The following LOC128092246 variants were observed in gnomAD, a reference collection of about 807,000 sequenced individuals.
At chr6:53,041,328 T>G in the LOC128092246 span, 1 of 838,066 alleles carries the variant, frequency 1.2e-6, no homozygotes, top group Admixed American at 1.7e-5. Flanking sequence ...AACCAGATTT[T>G]TCGATGGCAG....
chr6:53,041,325 T>C, the LOC128092246 span: 2 of 859,834 alleles, frequency 2.3e-6, no homozygotes, highest in East Asian at 2.4e-5. Flanking sequence ...TGTAACCAGA[T>C]TTTTCGATGG....
chr6:53,041,269 C>A, the LOC128092246 span: 1 of 1,517,402 alleles, frequency 6.6e-7, no homozygotes, highest in Non-Finnish European at 9.1e-7. Flanking sequence ...ACTCATCTCA[C>A]GGCCGAAGTG....
At chr6:53,041,340 A>G in the LOC128092246 span, 1 of 781,642 alleles carries the variant, frequency 1.3e-6, no homozygotes, top group Non-Finnish European at 2.3e-6. Flanking sequence ...CGATGGCAGC[A>G]CCAGCACAAG....
chr6:53,041,290 G>T, the LOC128092246 span: 1 of 1,203,684 alleles, frequency 8.3e-7, no homozygotes, highest in Non-Finnish European at 1.2e-6. Flanking sequence ...GTTCAGTTCT[G>T]CAGTGGTAGC....
At chr6:53,041,305 C>T in the LOC128092246 span, 2 of 1,069,200 alleles carry the variant, frequency 1.9e-6, no homozygotes, top group African/African-American at 1.5e-5. Context: ...GGTAGCAGTC[C>T]TCCCCAGAGT....
At chr6:53,041,298 A>C in the LOC128092246 span, 1 of 1,148,342 alleles carries the variant, frequency 8.7e-7, no homozygotes, top group Non-Finnish European at 1.3e-6. Context: ...CTGCAGTGGT[A>C]GCAGTCCTCC....
the LOC128092246 span, chr6:53,041,364 C>T: frequency 1.1e-5 from 8 of 711,530 alleles, no homozygotes; most frequent in Admixed American, 1.2e-4. Context: ...TTCAATAGGA[C>T]GTGACTGTCT....
the LOC128092246 span, chr6:53,041,291 C>T: frequency 8.3e-7 from 1 of 1,204,450 alleles, no homozygotes; most frequent in Non-Finnish European, 1.2e-6. Flanking sequence ...TTCAGTTCTG[C>T]AGTGGTAGCA....
At chr6:53,041,376 C>G in the LOC128092246 span, 2 of 673,198 alleles carry the variant, frequency 3.0e-6, no homozygotes, top group East Asian at 5.3e-5. Flanking sequence ...TGACTGTCTC[C>G]CAAATACATA....
At chr6:53,041,285 G>C in the LOC128092246 span, 1 of 1,322,170 alleles carries the variant, frequency 7.6e-7, no homozygotes, top group Non-Finnish European at 1.1e-6. Flanking sequence ...AAGTGGTTCA[G>C]TTCTGCAGTG....
chr6:53,041,330 C>A, the LOC128092246 span: 1 of 820,506 alleles, frequency 1.2e-6, no homozygotes, highest in South Asian at 1.3e-5. Context: ...CCAGATTTTT[C>A]GATGGCAGCA....
chr6:53,041,281 T>G, the LOC128092246 span: 1 of 1,408,544 alleles, frequency 7.1e-7, no homozygotes, highest in Non-Finnish European at 1.0e-6. Context: ...GCCGAAGTGG[T>G]TCAGTTCTGC....
the LOC128092246 span, chr6:53,041,336 C>T: frequency 1.3e-6 from 1 of 784,762 alleles, no homozygotes; most frequent in Non-Finnish European, 2.3e-6. Flanking sequence ...TTTTCGATGG[C>T]AGCACCAGCA....
the LOC128092246 span, chr6:53,041,346 A>G: frequency 1.3e-6 from 1 of 765,060 alleles, no homozygotes; most frequent in South Asian, 1.4e-5. Flanking sequence ...CAGCACCAGC[A>G]CAAGGTATTC....
the LOC128092246 span, chr6:53,041,309 C>T: frequency 1.8e-5 from 19 of 1,036,386 alleles, no homozygotes; most frequent in Non-Finnish European, 2.9e-5. Context: ...GCAGTCCTCC[C>T]CAGAGTGTAA....
At chr6:53,041,366 T>C in the LOC128092246 span, 5 of 710,840 alleles carry the variant, frequency 7.0e-6, no homozygotes, top group Non-Finnish European at 1.3e-5. Flanking sequence ...CAATAGGACG[T>C]GACTGTCTCC....
chr6:53,041,273 C>T, the LOC128092246 span: 23 of 1,483,226 alleles, frequency 1.6e-5, no homozygotes, highest in South Asian at 1.0e-4. Context: ...ATCTCACGGC[C>T]GAAGTGGTTC....
the LOC128092246 span, chr6:53,041,323 G>T: frequency 1.2e-6 from 1 of 865,036 alleles, no homozygotes. Flanking sequence ...AGTGTAACCA[G>T]ATTTTTCGAT....
the LOC128092246 span, chr6:53,041,377 C>G: frequency 1.5e-6 from 1 of 670,472 alleles, no homozygotes; most frequent in South Asian, 1.6e-5. Context: ...GACTGTCTCC[C>G]AAATACATAT....
Sources: gnomAD v4.1 joint callset for allele counts on GRCh38, gnomAD v4.1.1 for gene constraint, MANE v1.5 for transcripts.